Variants in PHF2 observed in about 807,000 individuals in gnomAD.
PHF2 encodes lysine-specific demethylase PHF2.
In PHF2, 27 loss-of-function variants were observed where a neutral mutation model predicts 120.5. The observed-to-expected ratio is 0.22, with a 90% CI of 0.17 to 0.31. The LOEUF is 0.31. Among genes scored for constraint, PHF2 ranks in the 10% least tolerant of loss-of-function variants. The pLI, the probability that PHF2 is intolerant of heterozygous loss-of-function variation, is 1.00. For synonymous variants in PHF2, 568 were observed against 592.5 expected, an observed-to-expected ratio of 0.96 and a Z score of 0.60; for missense variants, 1,024 against 1,434.8, an observed-to-expected ratio of 0.71 and a Z score of 4.63.
intron 14 of PHF2, 107 bp from the exon 15 acceptor site, chr9:93,665,579 G>A: frequency 8.1e-7 from 1 of 1,237,692 alleles, no homozygotes; most frequent in Admixed American, 2.3e-5. Flanking sequence ...CCTGCCTCCT[G>A]GAGGCCATCC....
chr9:93,591,453 A>G (rs1024245169), intron 1 of PHF2, among the ~76,000 whole-genome samples: 3 of 152,120 alleles, frequency 2.0e-5, no homozygotes, highest in Non-Finnish European at 2.9e-5. Flanking sequence ...TCTGCATACC[A>G]TGTGAGTAGG....
rs191903282 is a variant in PHF2, at chr9:93,620,592, A to G, written c.99-9378A>G. On this transcript the variant is annotated intron_variant, in intron 1 of 21. Transcript: ENST00000359246. ...GATATCTGGGAATTGCCCACTCTGCATTAGTGAGGGGTTGAGGTTGGTTTT... is the reference window on the plus strand; with the variant it reads ...GATATCTGGGAATTGCCCACTCTGCGTTAGTGAGGGGTTGAGGTTGGTTTT... 1.0e-3 allele frequency among the ~76,000 whole-genome samples: 157 copies of G among 152,340 alleles called. 1 individual carries two copies. Among genetic ancestry groups the G allele is most frequent in the African/African-American group, 3.7e-3 (154 of 41,588 alleles).
At chr9:93,649,718 A>G (rs1382393916) in intron 5 of PHF2, among the ~76,000 whole-genome samples, 1 of 151,920 alleles carries the variant, frequency 6.6e-6, no homozygotes, top group Non-Finnish European at 1.5e-5. Flanking sequence ...GGACACTCCA[A>G]TGCATGAGAC....
Position 93,642,686 on chromosome 9 carries a change from A to G in PHF2, c.300-2943A>G, listed in dbSNP as rs538013627. On this transcript the variant is annotated intron_variant, in intron 3 of 21. Coordinates refer to ENST00000359246, the MANE Select transcript of PHF2 (RefSeq NM_005392.4). ...TGTACGATATTGCCTCTAGATGTAC[A>G]TTTGTTTTTGTTTATTCTGCTTAGA... Among the ~76,000 whole-genome samples the G allele has an allele frequency of 9.4e-4, 143 of 152,278 alleles. 1 individual carries two copies. The highest frequency in any genetic ancestry group is 3.1e-3 in the African/African-American group (127 of 41,556).
At chr9:93,590,164 A>G (rs964773292) in intron 1 of PHF2, among the ~76,000 whole-genome samples, 2 of 152,252 alleles carry the variant, frequency 1.3e-5, no homozygotes, top group Non-Finnish European at 2.9e-5. Flanking sequence ...ACTGGGCAAC[A>G]CATTTTCTGA....
chr9:93,597,147 T>G (rs1191961856), intron 1 of PHF2, among the ~76,000 whole-genome samples: 1 of 152,106 alleles, frequency 6.6e-6, no homozygotes, highest in Non-Finnish European at 1.5e-5. Context: ...GCCAGGATGG[T>G]CTCGATCTCT....
At chr9:93,581,212 C>T (rs1362766125) in intron 1 of PHF2, among the ~76,000 whole-genome samples, 1 of 152,120 alleles carries the variant, frequency 6.6e-6, no homozygotes, top group Non-Finnish European at 1.5e-5. Flanking sequence ...TTGTGCCCAC[C>T]TAGTCTTAAG....
chr9:93,677,083 T>C lies in PHF2; in HGVS notation c.3202+120T>C. On this transcript the variant is annotated intron_variant, in intron 21 of 21. Transcript: ENST00000359246. This position sits in a 1 kb window ranked among gnomAD's most constrained non-coding sequence, Gnocchi z 4.4. ...AGCACATTGGGAGGGCTCCTGGGCCTTGGGTGGCAGGGTGCTGTGGTCCAA... is the reference window on the plus strand; with the variant it reads ...AGCACATTGGGAGGGCTCCTGGGCCCTGGGTGGCAGGGTGCTGTGGTCCAA... The C allele has an allele frequency of 8.8e-7, 1 of 1,133,846 alleles. No homozygotes were observed. Among genetic ancestry groups the C allele is most frequent in the Non-Finnish European group, 1.2e-6 (1 of 819,250 alleles). The allele number at this position is 1,133,846 out of a possible 1,614,324, so 70.2% of individuals were successfully genotyped here. A position where few individuals can be genotyped will look rare whatever the true frequency, so the allele number is the denominator to read the frequency against.
intron 11 of PHF2, among the ~76,000 whole-genome samples, chr9:93,659,920 C>G (rs1826529242): frequency 6.6e-6 from 1 of 152,216 alleles, no homozygotes; most frequent in South Asian, 2.1e-4. Flanking sequence ...TTGTGTGTTC[C>G]TGGATGAGCC....
intron 1 of PHF2, among the ~76,000 whole-genome samples, chr9:93,586,719 G>A (rs1265772423): frequency 6.6e-6 from 1 of 152,244 alleles, no homozygotes; most frequent in Non-Finnish European, 1.5e-5. Context: ...GTTCATGAGC[G>A]AGCACGTCCC....
rs74409488 is a variant in PHF2, at chr9:93,586,879, C to T, written c.98+10008C>T. Among the ~76,000 whole-genome samples the T allele has an allele frequency of 6.7e-3, 1,025 of 152,298 alleles. 15 individuals are homozygous for T. Among genetic ancestry groups the T allele is most frequent in the African/African-American group, 0.024 (991 of 41,554 alleles). On this transcript the variant is annotated intron_variant, in intron 1 of 21. Coordinates refer to ENST00000359246, the MANE Select transcript of PHF2 (RefSeq NM_005392.4). ...GGGTGGCATGGCCCTCATCACCAGCCGCCTGCGAGTCTGTGCCAGAGCAGA... is the reference window on the plus strand; with the variant it reads ...GGGTGGCATGGCCCTCATCACCAGCTGCCTGCGAGTCTGTGCCAGAGCAGA...
intron 3 of PHF2, among the ~76,000 whole-genome samples, chr9:93,644,421 GTGC>G (rs889130554): frequency 3.2e-4 from 48 of 151,374 alleles, no homozygotes; most frequent in Admixed American, 1.3e-3. Context: ...GCAGCTCCCA[GTGC>G]TGCTGGTGTG....
chr9:93,617,402 C>G (rs1345152378), intron 1 of PHF2, among the ~76,000 whole-genome samples: 1 of 152,208 alleles, frequency 6.6e-6, no homozygotes, highest in Non-Finnish European at 1.5e-5. Context: ...TGGGGCTGCC[C>G]TTGCCTGAGG....
intron 1 of PHF2, among the ~76,000 whole-genome samples, chr9:93,592,657 C>T (rs1411005800): frequency 1.3e-5 from 2 of 152,096 alleles, no homozygotes; most frequent in African/African-American, 4.8e-5. Context: ...TCTCTTGGTG[C>T]CAGTGACCTG....
chr9:93,626,938 A>G (rs954057152), intron 1 of PHF2, among the ~76,000 whole-genome samples: 2 of 152,222 alleles, frequency 1.3e-5, no homozygotes, highest in African/African-American at 2.4e-5. Context: ...ATTGATCTAT[A>G]TGTCTATCCT....
At chr9:93,673,485 A>G (rs1826847139) in intron 17 of PHF2, 100 bp from the exon 18 acceptor site, 3 of 1,083,858 alleles carry the variant, frequency 2.8e-6, no homozygotes, top group Admixed American at 5.6e-5. Flanking sequence ...CTGGGCCAGG[A>G]GTTTGTGCAG....
intron 1 of PHF2, among the ~76,000 whole-genome samples, chr9:93,606,080 C>T (rs1264153526): frequency 2.0e-5 from 3 of 151,952 alleles, no homozygotes; most frequent in South Asian, 2.1e-4. Flanking sequence ...GTCAAGCCAG[C>T]GTCCCACCCC....
chr9:93,653,154 C>T, intron 5 of PHF2, 25 bp from the exon 6 acceptor site: 1 of 1,608,976 alleles, frequency 6.2e-7, no homozygotes, highest in Non-Finnish European at 8.5e-7. Context: ...CAGGTTCCCT[C>T]ACCACCTTCC....
rs540194265 is a variant in PHF2 at position 93,669,240 on chromosome 9, T to C, written c.2348+2000T>C. On this transcript the variant is annotated intron_variant, in intron 17 of 21. Transcript: ENST00000359246. ...GTGCAGGCCCCCGCCCTCCAGTCTGTCTGGGCCTTGCAGGCCAGTTGAGGG... is the reference window on the plus strand; with the variant it reads ...GTGCAGGCCCCCGCCCTCCAGTCTGCCTGGGCCTTGCAGGCCAGTTGAGGG... 1.7e-4 allele frequency among the ~76,000 whole-genome samples: 26 copies of C among 152,306 alleles called. No homozygotes were observed. The South Asian group carries it at 4.3e-3, about 25-fold the overall frequency.
Sources: gnomAD v4.1 joint callset for allele counts (sites outside exome capture counted in the v4.1 genomes callset) on GRCh38, gnomAD v4.1.1 for gene constraint, Gnocchi (gnomAD v3.1) non-coding constraint, MANE v1.5 for transcripts, NCBI Gene and HGNC (gene_info 2026-07-23, HGNC 2026-07-21) for gene names.